The following GRM8 variants were observed in gnomAD, a reference collection of about 807,000 sequenced individuals.
The protein encoded by GRM8 is metabotropic glutamate receptor 8.
Under a neutral mutation model 87.2 loss-of-function variants are expected in GRM8, and 47 were observed. The ratio of observed to expected loss-of-function variants is 0.54; its 90% CI spans 0.43 to 0.69. GRM8 has a LOEUF of 0.69. GRM8 is among the 30% of genes least tolerant of loss of function. The pLI, the probability that GRM8 is intolerant of heterozygous loss-of-function variation, is 0.00. For synonymous variants in GRM8, 396 were observed against 404.5 expected (o/e 0.98, Z 0.25); for missense variants, 1,019 against 1,139.2 (o/e 0.89, Z 1.52).
chr7:126,742,914 G>C (rs1045376686), intron 7 of GRM8, among the ~76,000 whole-genome samples: 41 of 152,014 alleles, frequency 2.7e-4, no homozygotes, highest in Non-Finnish European at 5.4e-4. Flanking sequence ...CAAGTTTTCT[G>C]CGGGAAGGGA....
chr7:127,016,057 G>A (rs1310133915), intron 3 of GRM8, among the ~76,000 whole-genome samples: 1 of 152,066 alleles, frequency 6.6e-6, no homozygotes, highest in African/African-American at 2.4e-5. Context: ...CACTGCCCTA[G>A]TTCTCAAGCC....
intron 3 of GRM8, among the ~76,000 whole-genome samples, chr7:127,096,372 C>T (rs541438946): frequency 6.6e-6 from 1 of 152,092 alleles, no homozygotes; most frequent in African/African-American, 2.4e-5. Context: ...CCAGTCTGGC[C>T]AACATGGTGA....
intron 2 of GRM8, among the ~76,000 whole-genome samples, chr7:127,140,853 G>A (rs530054778): frequency 6.6e-6 from 1 of 151,948 alleles, no homozygotes; most frequent in Non-Finnish European, 1.5e-5. Flanking sequence ...TGCAGACAAA[G>A]TCTCCATTTA....
chr7:127,245,164 A>G (rs1212541863), intron 1 of GRM8, among the ~76,000 whole-genome samples: 1 of 152,248 alleles, frequency 6.6e-6, no homozygotes, highest in African/African-American at 2.4e-5. Flanking sequence ...CATTTAAGTG[A>G]TAGGCCATAA....
intron 7 of GRM8, among the ~76,000 whole-genome samples, chr7:126,726,077 T>G (rs1228768530): frequency 6.6e-6 from 1 of 152,180 alleles, no homozygotes; most frequent in Non-Finnish European, 1.5e-5. Flanking sequence ...TTGAAGAAAA[T>G]GTTAAATGGA....
chr7:127,038,581 T>C (rs913094253), intron 3 of GRM8, among the ~76,000 whole-genome samples: 1 of 152,314 alleles, frequency 6.6e-6, no homozygotes, highest in Non-Finnish European at 1.5e-5. Flanking sequence ...CTTAAAAAGA[T>C]TATTTTTTAA....
intron 3 of GRM8, among the ~76,000 whole-genome samples, chr7:126,953,029 G>C (rs1808323690): frequency 6.6e-6 from 1 of 152,056 alleles, no homozygotes; most frequent in South Asian, 2.1e-4. Flanking sequence ...TACTGAGGGA[G>C]GCTAGGGCAG....
At chr7:127,241,935 T>A (rs924474007) in intron 2 of GRM8, among the ~76,000 whole-genome samples, 77 of 152,220 alleles carry the variant, frequency 5.1e-4, no homozygotes, top group African/African-American at 1.8e-3. Flanking sequence ...AACTTTATTT[T>A]TACTGCACTT....
intron 7 of GRM8, among the ~76,000 whole-genome samples, chr7:126,765,797 G>A (rs1205822175): frequency 6.6e-6 from 1 of 152,086 alleles, no homozygotes; most frequent in African/African-American, 2.4e-5. Context: ...CAAGTAGACA[G>A]AAGATGTTAA....
At chr7:126,739,777 T>C (rs1239046266) in intron 7 of GRM8, among the ~76,000 whole-genome samples, 1 of 152,082 alleles carries the variant, frequency 6.6e-6, no homozygotes, top group Non-Finnish European at 1.5e-5. Flanking sequence ...AGACTACATA[T>C]ACATAATACT....
At chr7:127,150,192 A>G (rs935510174) in intron 2 of GRM8, among the ~76,000 whole-genome samples, 1 of 152,098 alleles carries the variant, frequency 6.6e-6, no homozygotes, top group African/African-American at 2.4e-5. Context: ...CCTTGCCTCA[A>G]TGAAACAGGA....
intron 8 of GRM8, among the ~76,000 whole-genome samples, chr7:126,588,177 G>A (rs1170063152): frequency 3.9e-5 from 6 of 152,178 alleles, no homozygotes. Context: ...ATGAGAACTA[G>A]TTACAGGCAA....
intron 3 of GRM8, among the ~76,000 whole-genome samples, chr7:126,966,281 T>C (rs549074569): frequency 2.0e-5 from 3 of 152,136 alleles, no homozygotes; most frequent in Non-Finnish European, 2.9e-5. Context: ...ACTACAGGCA[T>C]GTACCACCAC....
intron 7 of GRM8, among the ~76,000 whole-genome samples, chr7:126,739,277 A>G (rs1814641031): frequency 1.3e-5 from 2 of 152,010 alleles, no homozygotes; most frequent in South Asian, 4.1e-4. Context: ...AAGAAAAGAT[A>G]TACTCCCTTT....
chr7:127,231,253 A>G (rs1196245477), intron 2 of GRM8, among the ~76,000 whole-genome samples: 1 of 152,122 alleles, frequency 6.6e-6, no homozygotes, highest in African/African-American at 2.4e-5. Context: ...TGGGGGAAAA[A>G]AAAAAGATTT....
At chr7:127,067,148 G>T (rs1272196940) in intron 3 of GRM8, among the ~76,000 whole-genome samples, 2 of 152,136 alleles carry the variant, frequency 1.3e-5, no homozygotes, top group Non-Finnish European at 2.9e-5. Flanking sequence ...CCATGTGAGG[G>T]CCCTGTTGCC....
chr7:126,447,117 C>T (rs1802099417), intron 9 of GRM8: 1 of 151,672 alleles, frequency 6.6e-6, no homozygotes, highest in African/African-American at 2.4e-5. Flanking sequence ...CCACTGAAAT[C>T]GACTGCTCTG....
rs1220136220 is a variant in GRM8 at position 127,151,005 on chromosome 7, A to T, written c.511-44293T>A. Among the ~76,000 whole-genome samples, 3 of 152,182 alleles carry T rather than the reference A, an allele frequency of 2.0e-5. No homozygotes were observed. In the East Asian group the frequency reaches 5.8e-4, roughly 29 times the overall value. On this transcript the variant is annotated intron_variant, in intron 2 of 10. Coordinates refer to ENST00000339582, the MANE Select transcript of GRM8 (RefSeq NM_000845.3). ...GTACCCATCAGGTTTTAGCAGAACA[A>T]CAGGTTTTAGCTATACACATTGGGT...
chr7:127,035,380 T>C (rs1005354688), intron 3 of GRM8, among the ~76,000 whole-genome samples: 3 of 152,094 alleles, frequency 2.0e-5, no homozygotes, highest in Non-Finnish European at 2.9e-5. Context: ...CTCAGGCCTG[T>C]GTAGTTTGCA....
Sources: allele counts gnomAD v4.1 joint callset (sites outside exome capture counted in the v4.1 genomes callset), GRCh38; gene constraint gnomAD v4.1.1; transcripts MANE v1.5; gene names NCBI Gene and HGNC (gene_info 2026-07-23, HGNC 2026-07-21).